The following PIK3C2G variants were observed in gnomAD, a reference collection of about 807,000 sequenced individuals.
The protein encoded by PIK3C2G is phosphatidylinositol-4-phosphate 3-kinase catalytic subunit type 2 gamma.
A neutral mutation model predicts 181.1 loss-of-function variants in PIK3C2G; 168 were observed. The ratio of observed to expected loss-of-function variants is 0.93; its 90% CI spans 0.82 to 1.05. The LOEUF is 1.05. Among genes scored for constraint, PIK3C2G ranks in the 50% least tolerant of loss-of-function variants. The pLI, the probability that PIK3C2G is intolerant of heterozygous loss-of-function variation, is 0.00. For missense variants in PIK3C2G, 1,869 were observed against 1,732.8 expected, an observed-to-expected ratio of 1.08 and a Z score of -1.40; for synonymous variants, 573 against 592.2, an observed-to-expected ratio of 0.97 and a Z score of 0.47.
intron 9 of PIK3C2G, among the ~76,000 whole-genome samples, chr12:18,341,246 T>G (rs961169473): frequency 6.6e-6 from 1 of 152,144 alleles, no homozygotes; most frequent in Non-Finnish European, 1.5e-5. Context: ...ATATCAAACT[T>G]ACAATATTTG....
chr12:18,487,941 C>A (rs1201583785), intron 18 of PIK3C2G, among the ~76,000 whole-genome samples: 1 of 152,098 alleles, frequency 6.6e-6, no homozygotes, highest in Non-Finnish European at 1.5e-5. Flanking sequence ...AAACCATGCT[C>A]TTGCCTTTAC....
chr12:18,417,178 A>T (rs969142808), intron 16 of PIK3C2G, among the ~76,000 whole-genome samples: 1 of 152,212 alleles, frequency 6.6e-6, no homozygotes, highest in Admixed American at 6.5e-5. Context: ...GAGCCTGAAG[A>T]TGTGACAGAA....
At chr12:18,407,402 A>G (rs1472273103) in intron 16 of PIK3C2G, among the ~76,000 whole-genome samples, 1 of 152,102 alleles carries the variant, frequency 6.6e-6, no homozygotes, top group Non-Finnish European at 1.5e-5. Context: ...TAGTCCCAAC[A>G]TCTATTTCCT....
intron 1 of PIK3C2G, among the ~76,000 whole-genome samples, chr12:18,276,750 C>T (rs538803745): frequency 6.6e-6 from 1 of 152,024 alleles, no homozygotes; most frequent in Non-Finnish European, 1.5e-5. Flanking sequence ...GTGTTTTGTA[C>T]AGTGCTTGAC....
intron 22 of PIK3C2G, among the ~76,000 whole-genome samples, chr12:18,500,621 G>C (rs1235457723): frequency 6.6e-6 from 1 of 152,174 alleles, no homozygotes; most frequent in Non-Finnish European, 1.5e-5. Flanking sequence ...GTCTGGTAGG[G>C]ACGTGAACCT....
At chr12:18,521,986 G>T (rs1267568356) in intron 24 of PIK3C2G, among the ~76,000 whole-genome samples, 3 of 152,154 alleles carry the variant, frequency 2.0e-5, no homozygotes, top group Non-Finnish European at 2.9e-5. Context: ...TTGGCTGGGG[G>T]GTGGGGGCTG....
downstream of PIK3C2G, among the ~76,000 whole-genome samples, chr12:18,651,241 C>G (rs1346890380): frequency 6.6e-6 from 1 of 151,932 alleles, no homozygotes. Flanking sequence ...CCTTTGTGCC[C>G]TGTATCCATT....
chr12:18,423,866 T>C (rs1165425542), intron 17 of PIK3C2G, 79 bp from the exon 18 acceptor site: 4 of 813,418 alleles, frequency 4.9e-6, no homozygotes, highest in African/African-American at 1.7e-5. Context: ...TCTAGTCTTT[T>C]CTCAAGCCTC....
At chr12:18,692,323 T>TATA in the PIK3C2G span, among the ~76,000 whole-genome samples, 1 of 152,106 alleles carries the variant, frequency 6.6e-6, no homozygotes, top group Admixed American at 6.6e-5. Context: ...CAGGTACAGT[T>TATA]ATAGCCTAAA....
chr12:18,276,815 G>T (rs929759737), intron 1 of PIK3C2G, among the ~76,000 whole-genome samples: 9 of 152,148 alleles, frequency 5.9e-5, no homozygotes, highest in African/African-American at 2.2e-4. Flanking sequence ...AGTAATAGGT[G>T]TGTGAATAAA....
At chr12:18,294,623 A>ATC (rs1193172970) in intron 5 of PIK3C2G, among the ~76,000 whole-genome samples, 1 of 152,040 alleles carries the variant, frequency 6.6e-6, no homozygotes, top group Admixed American at 6.6e-5. Flanking sequence ...AAAAAAAATC[A>ATC]TCTTTTAGTT....
intron 25 of PIK3C2G, 53 bp from the exon 26 acceptor site, chr12:18,546,270 A>T: frequency 9.6e-7 from 1 of 1,046,216 alleles, no homozygotes; most frequent in Non-Finnish European, 1.5e-6. Flanking sequence ...GCTTGATTGT[A>T]TCTGCATTTA....
At chr12:18,614,565 T>C (rs369619304) in intron 31 of PIK3C2G, among the ~76,000 whole-genome samples, 40 of 152,228 alleles carry the variant, frequency 2.6e-4, no homozygotes, top group African/African-American at 8.9e-4. Context: ...TCCTTGGCTC[T>C]TGTAAATTTA....
At chr12:18,659,226 C>T in the PIK3C2G span, among the ~76,000 whole-genome samples, 2 of 152,142 alleles carry the variant, frequency 1.3e-5, no homozygotes, top group Non-Finnish European at 2.9e-5. Context: ...ACTAAATAAC[C>T]ACTTTACCTT....
the PIK3C2G span, chr12:18,701,768 T>C: frequency 3.7e-5 from 60 of 1,601,018 alleles, 2 homozygotes; most frequent in South Asian, 5.2e-4. Flanking sequence ...ATATTTTGAA[T>C]TTTAGTGCCT....
intron 9 of PIK3C2G, among the ~76,000 whole-genome samples, chr12:18,340,651 A>C (rs1223060243): frequency 6.6e-6 from 1 of 152,202 alleles, no homozygotes; most frequent in African/African-American, 2.4e-5. Context: ...GCAGATACTA[A>C]GATCTACCAG....
intron 18 of PIK3C2G, among the ~76,000 whole-genome samples, chr12:18,436,876 TA>T (rs1360136670): frequency 6.6e-6 from 1 of 152,022 alleles, no homozygotes; most frequent in Non-Finnish European, 1.5e-5. Context: ...TGTACTGATT[TA>T]AAAACGATGT....
intron 31 of PIK3C2G, among the ~76,000 whole-genome samples, chr12:18,623,066 A>G (rs576257828): frequency 6.6e-6 from 1 of 151,842 alleles, no homozygotes; most frequent in African/African-American, 2.4e-5. Context: ...CCATTTGTCT[A>G]TCTTTGCATT....
chr12:18,712,103 A>G, the PIK3C2G span, among the ~76,000 whole-genome samples: 1 of 152,148 alleles, frequency 6.6e-6, no homozygotes, highest in South Asian at 2.1e-4. Context: ...CAGTTTTAGT[A>G]CGTAGTAAGA....
Sources: allele counts gnomAD v4.1 joint callset (sites outside exome capture counted in the v4.1 genomes callset), GRCh38; gene constraint gnomAD v4.1.1; transcripts MANE v1.5; gene names NCBI Gene and HGNC (gene_info 2026-07-23, HGNC 2026-07-21).